The following SULT4A1 variants were observed in gnomAD, a reference collection of about 807,000 sequenced individuals.
SULT4A1 encodes sulfotransferase 4A1.
SULT4A1 carries 11 observed loss-of-function variants against 35.2 expected under a neutral mutation model. The observed-to-expected ratio is 0.31, with a 90% CI of 0.20 to 0.52. The LOEUF is 0.52. Among genes scored for constraint, SULT4A1 ranks in the 20% least tolerant of loss-of-function variants. The pLI is 0.97. For missense variants in SULT4A1, 271 were observed against 383.7 expected (o/e 0.71, Z 2.45); for synonymous variants, 152 against 151.8 (o/e 1.00, Z -0.01).
At position 43,828,498 on chromosome 22, in the gene SULT4A1, G is replaced by C. The variant is rs1603403736; in HGVS notation, c.742+562C>G. ...TCCCTCTGTGCAGCGGCTTAGCTTG[G>C]TACTGTCTGCTTAAGTTCACCACCC... On this transcript the variant is annotated intron_variant, in intron 6 of 6. Coordinates refer to ENST00000330884, the MANE Select transcript of SULT4A1 (RefSeq NM_014351.4). Among the ~76,000 whole-genome samples the C allele has an allele frequency of 2.0e-5, 3 of 152,192 alleles. No homozygotes were observed. In the East Asian group the frequency reaches 5.8e-4, roughly 29 times the overall value.
At chr22:43,861,912 C>T (rs1249631433) in intron 1 of SULT4A1, among the ~76,000 whole-genome samples, 2 of 152,226 alleles carry the variant, frequency 1.3e-5, no homozygotes, top group Non-Finnish European at 2.9e-5. Context: ...GGATGGGTGG[C>T]GGCCCTGGGC....
chr22:43,850,238 T>C (rs566305061), intron 1 of SULT4A1, among the ~76,000 whole-genome samples: 6 of 152,324 alleles, frequency 3.9e-5, no homozygotes, highest in African/African-American at 1.4e-4. Context: ...CTGATATCAT[T>C]ATTTTATGAT....
At chr22:43,844,936 C>T (rs1212923863) in intron 1 of SULT4A1, among the ~76,000 whole-genome samples, 1 of 152,190 alleles carries the variant, frequency 6.6e-6, no homozygotes, top group Non-Finnish European at 1.5e-5. Flanking sequence ...GCACTGGTGC[C>T]TTGAGTGCAG....
At chr22:43,853,307 G>A (rs1244274773) in intron 1 of SULT4A1, among the ~76,000 whole-genome samples, 4 of 152,206 alleles carry the variant, frequency 2.6e-5, no homozygotes, top group Non-Finnish European at 5.9e-5. Flanking sequence ...TTCTAGCTAC[G>A]ATCAAGCAAG....
Position 43,862,235 on chromosome 22 carries a change from T to C in SULT4A1, c.148A>G (p.Ile50Val). ...NFPVRPSDVW[I>V]VTYPKSGTSL... is the part of the protein sequence containing the mutation. ...TCACCGGACTTGGGGTAGGTGACGATCCACACGTCGCTGGGCCGCACCGGG... is the reference window on the plus strand; with the variant it reads ...TCACCGGACTTGGGGTAGGTGACGACCCACACGTCGCTGGGCCGCACCGGG... Residue 50 changes from isoleucine to valine, a missense_variant, in exon 1 of 7, where the codon ATC (isoleucine) becomes GTC (valine). This residue lies in a region of SULT4A1 where 164 missense variants were observed against 254.1 expected (regional missense o/e 0.65). Transcript: ENST00000330884. 6.4e-7 allele frequency: 1 copy of C among 1,563,124 alleles called. No individual in the cohort carries two copies.
intron 6 of SULT4A1, 177 bp from the exon 7 acceptor site, chr22:43,826,290 T>C: frequency 1.0e-6 from 1 of 985,406 alleles, no homozygotes; most frequent in African/African-American, 1.7e-5. Context: ...CCCCTAACAT[T>C]TGTGAAACTA....
intron 1 of SULT4A1, 45 bp from the exon 2 acceptor site, chr22:43,841,977 C>G: frequency 1.9e-6 from 3 of 1,587,136 alleles, no homozygotes; most frequent in Non-Finnish European, 2.6e-6. Flanking sequence ...AGGAGGCCCA[C>G]GCGCCCGGCC....
chr22:43,830,062 T>C (rs565618367), intron 5 of SULT4A1, among the ~76,000 whole-genome samples: 27 of 152,344 alleles, frequency 1.8e-4, no homozygotes, highest in African/African-American at 6.0e-4. Context: ...GTCCCCACAG[T>C]GCGCTGACTC....
chr22:43,857,370 C>CAAAAA (rs60746917), intron 1 of SULT4A1, among the ~76,000 whole-genome samples: 2 of 93,794 alleles, frequency 2.1e-5, no homozygotes, highest in Non-Finnish European at 4.2e-5. Context: ...GATCCTGTCT[C>CAAAAA]AAAAAAAAAA....
chr22:43,847,508 A>C, intron 1 of SULT4A1, among the ~76,000 whole-genome samples: 1 of 151,340 alleles, frequency 6.6e-6, no homozygotes, highest in African/African-American at 2.4e-5. Context: ...CAGCCCCTCC[A>C]CCCACCCTTG....
chr22:43,858,142 T>C (rs5764355), intron 1 of SULT4A1, among the ~76,000 whole-genome samples: 148,871 of 151,726 alleles, frequency 0.98, 73,046 homozygotes, highest in East Asian at 1. Context: ...GTAATCCCAG[T>C]ACTTTGGGAG....
At chr22:43,847,677 T>C (rs1052296781) in intron 1 of SULT4A1, among the ~76,000 whole-genome samples, 3 of 150,680 alleles carry the variant, frequency 2.0e-5, no homozygotes, top group Non-Finnish European at 3.0e-5. Flanking sequence ...CCTGGCCAGC[T>C]TGGGCTTGCT....
intron 1 of SULT4A1, among the ~76,000 whole-genome samples, chr22:43,851,533 A>G (rs763542126): frequency 2.0e-5 from 3 of 152,090 alleles, no homozygotes; most frequent in Non-Finnish European, 4.4e-5. Context: ...TGGTGCTTTC[A>G]CAGCTGAGGA....
intron 1 of SULT4A1, among the ~76,000 whole-genome samples, chr22:43,858,000 T>C (rs987729540): frequency 3.1e-5 from 4 of 130,422 alleles, no homozygotes; most frequent in East Asian, 2.2e-4. Context: ...CAGTGAGCCA[T>C]GATTGCATCA....
chr22:43,828,384 A>T (rs2063303125), intron 6 of SULT4A1, among the ~76,000 whole-genome samples: 1 of 152,216 alleles, frequency 6.6e-6, no homozygotes, highest in Non-Finnish European at 1.5e-5. Flanking sequence ...ACCCAGGTGG[A>T]TCTGGGGAGG....
intron 6 of SULT4A1, chr22:43,826,568 C>CCA (rs2063288500): frequency 1.0e-6 from 1 of 985,268 alleles, no homozygotes; most frequent in Non-Finnish European, 1.2e-6. Context: ...ACGCCATTAT[C>CCA]CACTCACAGC....
intron 1 of SULT4A1, among the ~76,000 whole-genome samples, chr22:43,856,945 C>T (rs138101): frequency 0.23 from 35,669 of 151,960 alleles, 4,396 homozygotes; most frequent in African/African-American, 0.32. Context: ...GGCACACGCG[C>T]ACACACACAA....
intron 6 of SULT4A1, chr22:43,827,781 A>ACACACACC: frequency 2.3e-6 from 1 of 427,372 alleles, no homozygotes; most frequent in Non-Finnish European, 4.3e-6. Context: ...ACACACACAC[A>ACACACACC]CGTGAACCAA....
At chr22:43,852,866 G>T (rs1179244829) in intron 1 of SULT4A1, among the ~76,000 whole-genome samples, 2 of 151,540 alleles carry the variant, frequency 1.3e-5, no homozygotes, top group East Asian at 3.9e-4. Flanking sequence ...TCCCCCTTGG[G>T]TCTCACCCAC....
Sources: allele counts gnomAD v4.1 joint callset (sites outside exome capture counted in the v4.1 genomes callset), GRCh38; gene constraint gnomAD v4.1.1; regional missense constraint gnomAD v4.1.1; transcripts MANE v1.5; gene names NCBI Gene and HGNC (gene_info 2026-07-23, HGNC 2026-07-21).